GPM6B: variants seen among roughly 807,000 people sequenced by gnomAD.
The protein encoded by GPM6B is neuronal membrane glycoprotein M6-b.
GPM6B carries 4 observed loss-of-function variants against 27.2 expected under a neutral mutation model. The ratio of observed to expected loss-of-function variants is 0.15; its 90% confidence interval spans 0.07 to 0.34. The LOEUF (loss-of-function observed/expected upper bound fraction) is 0.34. Among genes scored for constraint, GPM6B ranks in the 10% least tolerant of loss-of-function variants. The pLI, the probability that GPM6B is intolerant of heterozygous loss-of-function variation, is 1.00. For missense variants in GPM6B, 183 were observed against 261.9 expected (o/e 0.70, Z 2.08); for synonymous variants, 124 against 103.1 (o/e 1.20, Z -1.23).
In GPM6B at chrX:13,816,940, C is replaced by A. The variant is rs1216263360; in HGVS notation, c.-36G>T. ...AAAAATGCTTTTCCCCCTGTTCCCCCCAACACACACTTGTTTTTCCTCCTC... is the reference window on the plus strand; with the variant it reads ...AAAAATGCTTTTCCCCCTGTTCCCCACAACACACACTTGTTTTTCCTCCTC... On this transcript the variant is annotated 5_prime_UTR_variant, in exon 1 of 8. Transcript: ENST00000316715. 3 of 1,172,186 alleles carry A rather than the reference C, an allele frequency of 2.6e-6. No individual in the cohort carries two copies. Among genetic ancestry groups the A allele is most frequent in the South Asian group, 4.0e-5 (2 of 50,269 alleles).
chrX:13,783,756 A>T, intron 3 of GPM6B: 1 of 465,441 alleles, frequency 2.1e-6, no homozygotes. Context: ...GGCAGCATCC[A>T]GTTGTAATCT....
chrX:13,868,166 A>G (rs186003586), intron 1 of GPM6B, among the ~76,000 whole-genome samples: 8 of 95,056 alleles, frequency 8.4e-5, no homozygotes, highest in African/African-American at 3.0e-4. Flanking sequence ...CAGAAAGTCA[A>G]AAGTTGCTCA....
intron 1 of GPM6B, among the ~76,000 whole-genome samples, chrX:13,843,016 G>A (rs2049598817): frequency 1.8e-5 from 2 of 110,055 alleles, no homozygotes; most frequent in African/African-American, 3.3e-5. Flanking sequence ...ATATATGATC[G>A]CAACTGTTAA....
intron 1 of GPM6B, among the ~76,000 whole-genome samples, chrX:13,851,684 C>T (rs942130147): frequency 1.8e-5 from 2 of 108,795 alleles, no homozygotes; most frequent in Admixed American, 9.9e-5. Flanking sequence ...TCCCATCTTG[C>T]ACAGTGCAGA....
In GPM6B at chrX:13,816,827, G is replaced by T; in HGVS notation, c.61+17C>A. On this transcript the variant is annotated intron_variant, in intron 1 of 7. Transcript: ENST00000316715. Reference sequence around the variant, plus strand: ...AGTGAAAAGCTTTAAACAGGCTATTGTCAGAGCGCTGGGTACCTTTTCTCT... The same window carrying T: ...AGTGAAAAGCTTTAAACAGGCTATTTTCAGAGCGCTGGGTACCTTTTCTCT... 1.7e-6 allele frequency: 2 copies of T among 1,209,756 alleles called. No homozygotes were observed. Among genetic ancestry groups the T allele is most frequent in the Non-Finnish European group, 2.2e-6 (2 of 894,050 alleles).
chrX:13,839,568 T>A (rs5979976), intron 1 of GPM6B, among the ~76,000 whole-genome samples: 55,078 of 109,576 alleles, frequency 0.5, 10,348 homozygotes, highest in Non-Finnish European at 0.56. Context: ...CAGTCATTGA[T>A]CCTGGCTCAG....
chrX:13,787,041 CAAAAAA>C (rs869123073), intron 2 of GPM6B, among the ~76,000 whole-genome samples: 917 of 24,434 alleles, frequency 0.038, 12 homozygotes, highest in Middle Eastern at 0.071. Context: ...ATTAAGCCAG[CAAAAAA>C]AAAAAAAAAA....
At chrX:13,799,867 T>G (rs2048888378) in intron 2 of GPM6B, among the ~76,000 whole-genome samples, 1 of 111,172 alleles carries the variant, frequency 9.0e-6, no homozygotes, top group Admixed American at 9.6e-5. Context: ...GAGGATGCAT[T>G]TGCACTGTGA....
intron 4 of GPM6B, among the ~76,000 whole-genome samples, chrX:13,782,773 A>G (rs5025854): frequency 4.3e-3 from 262 of 60,667 alleles, no homozygotes; most frequent in African/African-American, 0.016. Context: ...AAAAAAAAAA[A>G]GAAAAAAAAA....
intron 1 of GPM6B, among the ~76,000 whole-genome samples, chrX:13,811,081 G>A (rs2049123011): frequency 8.9e-6 from 1 of 111,959 alleles, no homozygotes; most frequent in Non-Finnish European, 1.9e-5. Flanking sequence ...TTGATTCTGG[G>A]CACCTGGCAA....
chrX:13,790,313 G>T (rs1232363777), intron 2 of GPM6B, among the ~76,000 whole-genome samples: 7 of 112,388 alleles, frequency 6.2e-5, no homozygotes, highest in Admixed American at 4.7e-4. Flanking sequence ...GTCAAGAAAA[G>T]ATATGAGTGG....
rs1295006646 is a variant in GPM6B, at chrX:13,809,405, G to C, written c.62-1636C>G. 2.7e-5 allele frequency among the ~76,000 whole-genome samples: 3 copies of C among 111,991 alleles called. No individual in the cohort carries two copies. The East Asian group carries it at 8.4e-4, about 31-fold the overall frequency. ...GAGTTGTGCTTCTGTGTCTCCTAAA[G>C]AAACGGTCCAGGTCCTAAGCTACTG... is the stretch of plus-strand genomic sequence containing the variant. On this transcript the variant is annotated intron_variant, in intron 1 of 7. Coordinates refer to ENST00000316715, the MANE Select transcript of GPM6B (RefSeq NM_001001995.3).
intron 1 of GPM6B, among the ~76,000 whole-genome samples, chrX:13,937,649 A>G (rs1326231750): frequency 9.0e-6 from 1 of 111,718 alleles, no homozygotes; most frequent in Non-Finnish European, 1.9e-5. Context: ...TGATTTCCAC[A>G]GCACTCTTTA....
At chrX:13,892,053 T>C (rs1298707964) in intron 1 of GPM6B, among the ~76,000 whole-genome samples, 1 of 111,603 alleles carries the variant, frequency 9.0e-6, no homozygotes, top group Non-Finnish European at 1.9e-5. Flanking sequence ...GCTCTAGACC[T>C]GGACAGCAAA....
chrX:13,797,098 C>T (rs1359555827), intron 2 of GPM6B, among the ~76,000 whole-genome samples: 1 of 112,184 alleles, frequency 8.9e-6, no homozygotes, highest in African/African-American at 3.2e-5. Context: ...TAGCAGCAAT[C>T]AGTTTCCTTG....
intron 4 of GPM6B, among the ~76,000 whole-genome samples, chrX:13,782,766 A>G (rs1390911645): frequency 3.2e-5 from 2 of 62,834 alleles, no homozygotes; most frequent in African/African-American, 1.3e-4. Flanking sequence ...TCAAAAAAAA[A>G]AAAAAAAGAA....
At chrX:13,881,247 C>T (rs780725332) in intron 1 of GPM6B, among the ~76,000 whole-genome samples, 7 of 112,538 alleles carry the variant, frequency 6.2e-5, no homozygotes, top group Non-Finnish European at 7.5e-5. Context: ...ACGTGGCTCA[C>T]GCCTGTAATC....
At chrX:13,835,059 C>CT (rs2049480719) in intron 1 of GPM6B, among the ~76,000 whole-genome samples, 1 of 111,807 alleles carries the variant, frequency 8.9e-6, no homozygotes, top group African/African-American at 3.2e-5. Context: ...ACCTGTTTCC[C>CT]TGTGTGTGGG....
At chrX:13,914,259 G>A (rs1330274701) in intron 1 of GPM6B, among the ~76,000 whole-genome samples, 1 of 112,001 alleles carries the variant, frequency 8.9e-6, no homozygotes, top group Non-Finnish European at 1.9e-5. Flanking sequence ...CATAAGTATG[G>A]CAGATGCTCT....
Sources: gnomAD v4.1 joint callset for allele counts (sites outside exome capture counted in the v4.1 genomes callset) on GRCh38, gnomAD v4.1.1 for gene constraint, MANE v1.5 for transcripts, NCBI Gene and HGNC (gene_info 2026-07-23, HGNC 2026-07-21) for gene names.